The following ZNF730 variants were observed in gnomAD, a reference collection of about 807,000 sequenced individuals.
ZNF730 encodes zinc finger protein 730.
In ZNF730, 12 loss-of-function variants were observed where a neutral mutation model predicts 12.6. That is an observed-to-expected ratio of 0.95 (90% CI 0.61 to 1.54). The LOEUF (loss-of-function observed/expected upper bound fraction) is 1.54. ZNF730 is among the 40% of genes most tolerant of loss of function. ZNF730 has a pLI of 0.00. For missense variants in ZNF730, 643 were observed against 583.5 expected (o/e 1.10, Z -1.05); for synonymous variants, 194 against 195.8 (o/e 0.99, Z 0.08).
In ZNF730 at chr19:23,145,289, C is replaced by T. The variant is rs768219828; in HGVS notation, c.245C>T (p.Ala82Val). Residue 82 changes from alanine (A) to valine (V), a missense_variant, in exon 4 of 4, where the codon GCC becomes GTC. By Grantham distance (64) the Ala-to-Val change is moderately conservative. Transcript: ENST00000597761. ...AKPPVICSHI[A>V]QDLWPEQGIK... is the part of the protein sequence containing the mutation. ...CTTTCAGTTATATGTTCTCATATTG[C>T]CCAAGACCTTTGGCCAGAGCAAGGC... 30 of 1,550,136 alleles carry T rather than the reference C, an allele frequency of 1.9e-5. No homozygotes were observed. Among genetic ancestry groups the T allele is most frequent in the Non-Finnish European group, 2.5e-5 (29 of 1,152,256 alleles).
chr19:23,084,726 T>A (rs929535143), intron 1 of ZNF730, among the ~76,000 whole-genome samples: 2 of 152,202 alleles, frequency 1.3e-5, no homozygotes, highest in African/African-American at 2.4e-5. Context: ...GGTTTTCTAT[T>A]CCTGTGTTAG....
At chr19:23,085,836 C>CCTTTTTTTTTTTTTTTTTTTTTTTTT (rs1970052489) in intron 1 of ZNF730, among the ~76,000 whole-genome samples, 1 of 54,806 alleles carries the variant, frequency 1.8e-5, no homozygotes, top group Non-Finnish European at 3.3e-5. Context: ...ATTTTTTTTT[C>CCTTTTTTTTTTTTTTTTTTTTTTTTT]TTTTTTTTTT....
chr19:23,125,704 A>G (rs1427434486), intron 1 of ZNF730: 1 of 152,678 alleles, frequency 6.5e-6, no homozygotes, highest in Non-Finnish European at 1.5e-5. Context: ...TGCCTATTTT[A>G]AGAGATAACA....
intron 1 of ZNF730, among the ~76,000 whole-genome samples, chr19:23,111,364 C>T (rs1248110798): frequency 1.3e-5 from 2 of 152,134 alleles, no homozygotes; most frequent in East Asian, 3.8e-4. Flanking sequence ...GATGTTATAA[C>T]AGTAACTAAA....
Position 23,104,834 on chromosome 19 carries a change from G to A in ZNF730, c.-93-29246G>A, listed in dbSNP as rs1052316381. ...TCTCTGTACAGCGTTCCTGACCTGTGGTCAGTGAAAAATATCACTTTTTAA... is the reference window on the plus strand; with the variant it reads ...TCTCTGTACAGCGTTCCTGACCTGTAGTCAGTGAAAAATATCACTTTTTAA... On this transcript the variant is annotated intron_variant, in intron 1 of 2. Coordinates refer to the ZNF730 transcript ENST00000593635. 7.9e-5 allele frequency among the ~76,000 whole-genome samples: 12 copies of A among 152,086 alleles called. No homozygotes were observed. The East Asian group carries it at 2.3e-3, about 29-fold the overall frequency.
chr19:23,078,229 C>G (rs879529822), intron 1 of ZNF730, among the ~76,000 whole-genome samples: 8 of 151,636 alleles, frequency 5.3e-5, no homozygotes, highest in Non-Finnish European at 1.2e-4. Context: ...AGGAAGGCAT[C>G]TGTCTCCAGG....
intron 3 of ZNF730, among the ~76,000 whole-genome samples, chr19:23,140,494 C>G (rs1970899890): frequency 6.6e-6 from 1 of 151,318 alleles, no homozygotes; most frequent in Non-Finnish European, 1.5e-5. Context: ...ACCTGTAATC[C>G]CAGCTACTTG....
intron 3 of ZNF730, among the ~76,000 whole-genome samples, chr19:23,142,447 G>A (rs1970935552): frequency 6.7e-6 from 1 of 150,278 alleles, no homozygotes; most frequent in African/African-American, 2.5e-5. Flanking sequence ...ACTTTGGGAG[G>A]CTGAGGCAGG....
chr19:23,077,741 CTG>C (rs1969890974), intron 1 of ZNF730, among the ~76,000 whole-genome samples: 1 of 152,096 alleles, frequency 6.6e-6, no homozygotes, highest in South Asian at 2.1e-4. Flanking sequence ...CACGCCCAGT[CTG>C]TGTGGGGAAA....
rs960438052 is a variant in ZNF730, at chr19:23,146,943, A to G, written c.*387A>G. 2.5e-6 allele frequency: 1 copy of G among 407,832 alleles called. No homozygotes were observed. The highest frequency in any genetic ancestry group is 2.0e-5 in the African/African-American group (1 of 49,914). The allele number at this position is 407,832 out of a possible 1,614,324, so 25.3% of individuals were successfully genotyped here. A position where few individuals can be genotyped will look rare whatever the true frequency, so the allele number is the denominator to read the frequency against. On this transcript the variant is annotated 3_prime_UTR_variant, in exon 4 of 4. Coordinates refer to ENST00000597761, the MANE Select transcript of ZNF730 (RefSeq NM_001277403.2). ...ACACCTCAAACTTTTCCAGATGTCAAAGAAATGCTGGTGAGAAATTCTAGA... is the reference window on the plus strand; with the variant it reads ...ACACCTCAAACTTTTCCAGATGTCAGAGAAATGCTGGTGAGAAATTCTAGA...
At chr19:23,082,900 C>T (rs1228604037) in intron 1 of ZNF730, among the ~76,000 whole-genome samples, 3 of 151,892 alleles carry the variant, frequency 2.0e-5, no homozygotes, top group Admixed American at 1.3e-4. Flanking sequence ...GGTTTCTGCA[C>T]GTTGGTCAGG....
Position 23,085,496 on chromosome 19 carries a change from CTTTTTTTTTTTTTTTTT to C in ZNF730, c.-94+10124_-94+10140del, listed in dbSNP as rs58871710. On this transcript the variant is annotated intron_variant, in intron 1 of 2. Transcript: ENST00000593635. The stretch of plus-strand genomic sequence containing the variant: ...TACAGGCATGAGCCACCATGCCCGT[CTTTTTTTTTTTTTTTTT>C]TTTTTTTTTTTTTTAAATATAGACA... Among the ~76,000 whole-genome samples, 323 of 52,820 alleles carry C rather than the reference CTTTTTTTTTTTTTTTTT, an allele frequency of 6.1e-3. 6 individuals carry two copies. The highest frequency in any genetic ancestry group is 8.6e-3 in the Non-Finnish European group (240 of 27,934). 34.7% of individuals were successfully genotyped at this position (52,820 alleles called of 152,430 possible).
intron 1 of ZNF730, among the ~76,000 whole-genome samples, chr19:23,093,116 ACAG>A (rs1970184539): frequency 6.6e-6 from 1 of 152,034 alleles, no homozygotes; most frequent in South Asian, 2.1e-4. Context: ...TCAGCCTCTT[ACAG>A]GCACACGCCA....
At chr19:23,138,426 G>C (rs57628876) in intron 3 of ZNF730, among the ~76,000 whole-genome samples, 2 of 152,104 alleles carry the variant, frequency 1.3e-5, no homozygotes, top group Non-Finnish European at 2.9e-5. Flanking sequence ...CAAGTGCTTC[G>C]GGGAAGACAA....
At chr19:23,094,516 C>T (rs1970218746) in intron 1 of ZNF730, among the ~76,000 whole-genome samples, 4 of 152,060 alleles carry the variant, frequency 2.6e-5, no homozygotes, top group Admixed American at 2.6e-4. Flanking sequence ...GAATTTCACT[C>T]TTGTCACCCA....
At chr19:23,136,200 CT>C in intron 3 of ZNF730, 157 bp downstream of exon 3, 2 of 478,118 alleles carry the variant, frequency 4.2e-6, no homozygotes, top group Middle Eastern at 6.2e-4. Flanking sequence ...ATTTTTTTTC[CT>C]CTCACATAGA....
At chr19:23,093,956 G>A (rs1169964352) in intron 1 of ZNF730, among the ~76,000 whole-genome samples, 1 of 152,206 alleles carries the variant, frequency 6.6e-6, no homozygotes, top group Non-Finnish European at 1.5e-5. Flanking sequence ...TGCCAAGAGT[G>A]TAGGACTTGG....
intron 1 of ZNF730, among the ~76,000 whole-genome samples, chr19:23,091,528 C>G (rs1226168979): frequency 1.3e-5 from 2 of 152,202 alleles, no homozygotes; most frequent in Admixed American, 1.3e-4. Flanking sequence ...GGAAGCTGTT[C>G]CCTGCAAAGC....
At position 23,145,455 on chromosome 19, in the gene ZNF730, G is replaced by T. The variant is rs767953568; in HGVS notation, c.411G>T (p.Leu137Phe). 1 of 1,572,532 alleles carries T rather than the reference G, an allele frequency of 6.4e-7. No homozygotes were observed. The change falls in exon 4 of 4, where the codon TTG becomes TTT. Residue 137 changes from leucine to phenylalanine, a missense_variant. Physicochemically the swap from Leu to Phe is conservative, Grantham distance 22. Coordinates refer to ENST00000597761, the MANE Select transcript of ZNF730 (RefSeq NM_001277403.2). ...GTTATAATAGACATAACCAGTGTTTGACAACTTCCCATAGCAAAATATTTC... is the reference window on the plus strand; with the variant it reads ...GTTATAATAGACATAACCAGTGTTTTACAACTTCCCATAGCAAAATATTTC... ...KKGYNRHNQC[L>F]TTSHSKIFQC...
Sources: allele counts gnomAD v4.1 joint callset (sites outside exome capture counted in the v4.1 genomes callset), GRCh38; gene constraint gnomAD v4.1.1; transcripts MANE v1.5; gene names NCBI Gene and HGNC (gene_info 2026-07-23, HGNC 2026-07-21).